The following DLG2 variants were observed in gnomAD, a reference collection of about 807,000 sequenced individuals.
The protein encoded by DLG2 is disks large homolog 2.
DLG2 carries 45 observed loss-of-function variants against 132.5 expected under a neutral mutation model. That is an observed-to-expected ratio of 0.34 (90% confidence interval 0.27 to 0.44). DLG2 has a LOEUF of 0.44. Ranked by LOEUF, DLG2 falls within the 20% of genes least tolerant of loss-of-function variation. The probability of loss-of-function intolerance (pLI) is 1.00; values close to 1 mark genes in which losing one functional copy is unlikely to be tolerated. For missense variants in DLG2, 1,045 were observed against 1,196.9 expected (o/e 0.87, Z 1.87); for synonymous variants, 424 against 419.6 (o/e 1.01, Z -0.13).
At chr11:84,407,018 A>T (rs1056810518) in intron 7 of DLG2, among the ~76,000 whole-genome samples, 1 of 152,176 alleles carries the variant, frequency 6.6e-6, no homozygotes, top group African/African-American at 2.4e-5. Flanking sequence ...CCCAAATTCT[A>T]AAACTTTAGG....
At chr11:83,863,193 G>A (rs1384290557) in intron 16 of DLG2, among the ~76,000 whole-genome samples, 1 of 152,106 alleles carries the variant, frequency 6.6e-6, no homozygotes, top group Non-Finnish European at 1.5e-5. Flanking sequence ...AATGTGCATG[G>A]GCTCTAGACT....
chr11:84,570,594 C>T (rs916110391), intron 6 of DLG2, among the ~76,000 whole-genome samples: 3 of 152,120 alleles, frequency 2.0e-5, no homozygotes, highest in Non-Finnish European at 4.4e-5. Flanking sequence ...TACTTGGAAT[C>T]ATGTACCATC....
At chr11:84,413,351 A>G (rs935442807) in intron 7 of DLG2, among the ~76,000 whole-genome samples, 3 of 152,228 alleles carry the variant, frequency 2.0e-5, no homozygotes, top group African/African-American at 7.2e-5. Flanking sequence ...TTGGGTTTTA[A>G]GAAATAATTA....
chr11:84,807,636 G>A (rs2076145505), intron 6 of DLG2, among the ~76,000 whole-genome samples: 1 of 152,074 alleles, frequency 6.6e-6, no homozygotes, highest in African/African-American at 2.4e-5. Context: ...TGTAATCGAG[G>A]CAGGTTGAAA....
At chr11:84,910,562 G>A (rs1212490957) in intron 6 of DLG2, among the ~76,000 whole-genome samples, 1 of 152,084 alleles carries the variant, frequency 6.6e-6, no homozygotes, top group African/African-American at 2.4e-5. Flanking sequence ...AGAATACAGT[G>A]TTTAGCCCAT....
intron 6 of DLG2, among the ~76,000 whole-genome samples, chr11:84,711,803 C>T (rs2153772865): frequency 6.6e-6 from 1 of 152,066 alleles, no homozygotes; most frequent in East Asian, 2.0e-4. Flanking sequence ...GAAACAATCT[C>T]TCAGATATAC....
chr11:84,610,339 A>G (rs1438653407), intron 6 of DLG2, among the ~76,000 whole-genome samples: 1 of 152,128 alleles, frequency 6.6e-6, no homozygotes, highest in Non-Finnish European at 1.5e-5. Context: ...AATATTTTTT[A>G]AAAATTTTTT....
chr11:84,618,142 G>T (rs1403383794), intron 6 of DLG2, among the ~76,000 whole-genome samples: 1 of 152,040 alleles, frequency 6.6e-6, no homozygotes, highest in African/African-American at 2.4e-5. Context: ...TCAGGGAATT[G>T]TAACTATTTG....
intron 4 of DLG2, among the ~76,000 whole-genome samples, chr11:85,169,156 AGTT>A (rs1351608312): frequency 8.5e-5 from 13 of 152,286 alleles, no homozygotes; most frequent in South Asian, 8.3e-4. Flanking sequence ...CTATAAAAAT[AGTT>A]GTTGTACTGT....
intron 3 of DLG2, among the ~76,000 whole-genome samples, chr11:85,513,785 A>G (rs1166278230): frequency 6.6e-6 from 1 of 151,888 alleles, no homozygotes; most frequent in African/African-American, 2.4e-5. Flanking sequence ...AACAACACCT[A>G]TTTGATATGT....
intron 6 of DLG2, among the ~76,000 whole-genome samples, chr11:84,719,803 A>C (rs1596463624): frequency 1.3e-5 from 2 of 152,230 alleles, no homozygotes; most frequent in African/African-American, 4.8e-5. Flanking sequence ...ACCTGAGCCT[A>C]GCTCCAGATT....
rs138390680 is a variant in DLG2, at chr11:84,772,175, A to G, written c.358-237444T>C. 7.3e-3 allele frequency among the ~76,000 whole-genome samples: 1,115 copies of G among 152,228 alleles called. 17 individuals are homozygous for G. Among genetic ancestry groups the G allele is most frequent in the African/African-American group, 0.024 (1,015 of 41,536 alleles). On this transcript the variant is annotated intron_variant, in intron 6 of 27. Coordinates refer to ENST00000376104, the MANE Select transcript of DLG2 (RefSeq NM_001142699.3). Reference sequence around the variant, plus strand: ...AAACGACAACAAAAACCAAAAAAAAAAGAAGGGCATTACGTAATGATAAAG... The same window carrying G: ...AAACGACAACAAAAACCAAAAAAAAGAGAAGGGCATTACGTAATGATAAAG...
At chr11:85,110,874 C>T (rs2072617847) in intron 6 of DLG2, among the ~76,000 whole-genome samples, 2 of 152,132 alleles carry the variant, frequency 1.3e-5, no homozygotes, top group South Asian at 4.1e-4. Flanking sequence ...AGGTAACTTT[C>T]TAATTTTTTG....
chr11:84,024,845 C>T (rs949326114), intron 11 of DLG2, among the ~76,000 whole-genome samples: 2 of 150,878 alleles, frequency 1.3e-5, no homozygotes, highest in Non-Finnish European at 2.9e-5. Context: ...ATTGCCAAAC[C>T]CGGTGAATAT....
At chr11:83,585,706 G>T (rs1006623536) in intron 19 of DLG2, among the ~76,000 whole-genome samples, 4 of 152,280 alleles carry the variant, frequency 2.6e-5, no homozygotes, top group African/African-American at 9.6e-5. Context: ...TGAAAATGGT[G>T]ACATTCTACC....
At chr11:83,472,828 A>C in intron 22 of DLG2, 51 bp from the exon 23 acceptor site, 1 of 1,488,326 alleles carries the variant, frequency 6.7e-7, no homozygotes, top group Non-Finnish European at 9.4e-7. Flanking sequence ...CATATATTAC[A>C]GAGACAAGCC....
At chr11:85,446,890 C>A (rs1445524125) in intron 3 of DLG2, among the ~76,000 whole-genome samples, 1 of 151,626 alleles carries the variant, frequency 6.6e-6, no homozygotes, top group Non-Finnish European at 1.5e-5. Flanking sequence ...TGAAAAACTT[C>A]TAAGAAAAAG....
intron 19 of DLG2, among the ~76,000 whole-genome samples, chr11:83,609,160 T>A (rs1464680904): frequency 3.9e-5 from 6 of 152,226 alleles, no homozygotes; most frequent in African/African-American, 7.2e-5. Context: ...GTACTTCCCT[T>A]GGTTCGACTT....
At chr11:83,553,442 GC>G (rs2096439558) in intron 19 of DLG2, among the ~76,000 whole-genome samples, 1 of 151,088 alleles carries the variant, frequency 6.6e-6, no homozygotes, top group Non-Finnish European at 1.5e-5. Flanking sequence ...TAGATGAAAA[GC>G]CCTCAGATCA....
Sources: gnomAD v4.1 joint callset for allele counts (sites outside exome capture counted in the v4.1 genomes callset) on GRCh38, gnomAD v4.1.1 for gene constraint, MANE v1.5 for transcripts, NCBI Gene and HGNC (gene_info 2026-07-23, HGNC 2026-07-21) for gene names.